CDC42BPB: variants seen among roughly 807,000 people sequenced by gnomAD.
CDC42BPB encodes CDC42 binding protein kinase beta, also known as serine/threonine-protein kinase MRCK beta.
In CDC42BPB, 37 loss-of-function variants were observed where a neutral mutation model predicts 214.9. The ratio of observed to expected loss-of-function variants is 0.17; its 90% CI spans 0.13 to 0.23. The LOEUF is 0.23. Among genes scored for constraint, CDC42BPB ranks in the 10% least tolerant of loss-of-function variants. The pLI is 1.00. For synonymous variants in CDC42BPB, 931 were observed against 884.0 expected (o/e 1.05, Z -0.94); for missense variants, 1,694 against 2,227.0 (o/e 0.76, Z 4.82).
intron 4 of CDC42BPB, among the ~76,000 whole-genome samples, chr14:103,003,294 G>T (rs1226979675): frequency 6.6e-6 from 1 of 152,246 alleles, no homozygotes; most frequent in Non-Finnish European, 1.5e-5. Flanking sequence ...GGGTCACTCA[G>T]CGGCCAAGAC....
At position 103,004,021 on chromosome 14, in the gene CDC42BPB, G is replaced by A. The variant is rs780385009; in HGVS notation, c.354C>T (p.Thr118=). The A allele has an allele frequency of 2.9e-5, 46 of 1,599,382 alleles. No individual in the cohort carries two copies. Among genetic ancestry groups the A allele is most frequent in the Admixed American group, 6.7e-5 (4 of 59,600 alleles). ...NKWEMLKRAE[T]ACFREERDVL... The stretch of plus-strand genomic sequence containing the variant: ...CATCGCGCTCCTCTCGGAAGCACGC[G>A]GTCTGCAAAGCAACGAGGGGTGTCA... Residue 118 remains threonine (T), a splice_region_variant and synonymous_variant, in exon 4 of 37, where the codon ACC becomes ACT. Transcript: ENST00000361246. This position sits in a 1 kb window ranked among gnomAD's most constrained non-coding sequence, Gnocchi z 5.3.
chr14:103,056,423 C>A (rs975829081), intron 1 of CDC42BPB, among the ~76,000 whole-genome samples: 3 of 152,144 alleles, frequency 2.0e-5, no homozygotes, highest in African/African-American at 7.2e-5. Context: ...GAGCTGGGCT[C>A]CCTGGGGATG....
intron 36 of CDC42BPB, among the ~76,000 whole-genome samples, chr14:102,936,540 C>T (rs937232674): frequency 1.1e-4 from 17 of 151,806 alleles, no homozygotes; most frequent in Middle Eastern, 3.2e-3. Flanking sequence ...TCCATTTCCA[C>T]GAAATGTCCA....
At chr14:102,934,118 C>T (rs764461597) in intron 36 of CDC42BPB, 14 of 895,406 alleles carry the variant, frequency 1.6e-5, no homozygotes, top group South Asian at 5.6e-5. Flanking sequence ...CAGATGGGGC[C>T]GGACGCAGTG....
chr14:102,999,853 A>G, intron 4 of CDC42BPB, 140 bp from the exon 5 acceptor site: 1 of 1,470,968 alleles, frequency 6.8e-7, no homozygotes. Flanking sequence ...CTGTCACCCA[A>G]GACCCTCCTT....
chr14:102,957,542 T>C lies in CDC42BPB; in HGVS notation c.2901+2089A>G, dbSNP rs534033804. ...AATGACTTGTGCAGAAACAGGCTTA[T>C]CAAAGATCTGGCGGGCACTTACCGG... On this transcript the variant is annotated intron_variant, in intron 21 of 36. Coordinates refer to ENST00000361246, the MANE Select transcript of CDC42BPB (RefSeq NM_006035.4). Among the ~76,000 whole-genome samples, 5 of 152,348 alleles carry C rather than the reference T, an allele frequency of 3.3e-5. No homozygotes were observed. In the South Asian group the frequency reaches 8.3e-4, roughly 25 times the overall value.
intron 5 of CDC42BPB, among the ~76,000 whole-genome samples, chr14:102,997,313 G>A (rs1327320367): frequency 6.6e-6 from 1 of 152,102 alleles, no homozygotes; most frequent in Non-Finnish European, 1.5e-5. Context: ...ACTGGATAAA[G>A]CACCAGTCAC....
intron 1 of CDC42BPB, among the ~76,000 whole-genome samples, chr14:103,028,475 C>T (rs151311530): frequency 1.4e-3 from 211 of 152,326 alleles, no homozygotes; most frequent in Middle Eastern, 3.4e-3. Flanking sequence ...GGCTCTGAGA[C>T]AGCCCCAGCA....
intron 13 of CDC42BPB, among the ~76,000 whole-genome samples, chr14:102,971,559 T>C (rs1023498471): frequency 6.6e-6 from 1 of 152,220 alleles, no homozygotes; most frequent in Non-Finnish European, 1.5e-5. Flanking sequence ...CCCACAGTGT[T>C]GGGATTCCAG....
At chr14:102,984,205 T>C (rs1894133058) in intron 6 of CDC42BPB, among the ~76,000 whole-genome samples, 1 of 152,090 alleles carries the variant, frequency 6.6e-6, no homozygotes, top group African/African-American at 2.4e-5. Flanking sequence ...TCCCCCAGGG[T>C]TGGCATTTCC....
At chr14:102,964,368 G>A (rs964193101) in intron 19 of CDC42BPB, 134 bp downstream of exon 19, 4 of 1,037,222 alleles carry the variant, frequency 3.9e-6, no homozygotes, top group Non-Finnish European at 5.5e-6. Flanking sequence ...CCGACGTGCT[G>A]CCTCCTAAGG....
intron 7 of CDC42BPB, chr14:102,981,231 G>C (rs1893982762): frequency 1.0e-6 from 1 of 958,580 alleles, no homozygotes; most frequent in Non-Finnish European, 1.2e-6. Flanking sequence ...TTGTAGACTT[G>C]TGACCACACT....
intron 1 of CDC42BPB, among the ~76,000 whole-genome samples, chr14:103,040,258 G>A (rs1049277410): frequency 6.6e-6 from 1 of 151,954 alleles, no homozygotes. Context: ...GGGAGGCTGA[G>A]GCAGGAGAAT....
chr14:102,969,435 G>GAGGAGACTCAAGGGCTGAGAAAGGGGC (rs1159600062), intron 14 of CDC42BPB, among the ~76,000 whole-genome samples: 28 of 152,346 alleles, frequency 1.8e-4, no homozygotes, highest in Admixed American at 1.7e-3. Context: ...GCTGTGCAGA[G>GAGGAGACTCAAGGGCTGAGAAAGGGGC]AGGAGACTCA....
chr14:102,996,488 A>C (rs1894742494), intron 5 of CDC42BPB, among the ~76,000 whole-genome samples: 1 of 152,222 alleles, frequency 6.6e-6, no homozygotes, highest in Non-Finnish European at 1.5e-5. Flanking sequence ...TCTACCAAGA[A>C]GACAGTATAA....
rs1386872299 is a variant in CDC42BPB, at chr14:103,057,429, G to C, written c.-256C>G. 3.2e-6 allele frequency: 2 copies of C among 625,494 alleles called. No individual in the cohort carries two copies. Among genetic ancestry groups the C allele is most frequent in the Non-Finnish European group, 4.0e-6 (2 of 502,776 alleles). The allele number at this position is 625,494 out of a possible 1,614,324, so 38.7% of individuals were successfully genotyped here. ...CTCGGCGCCGCCGCCCTCCCAGCTC[G>C]GGCGGCCCGCCCCCGCCGCCCTCAG... On this transcript the variant is annotated 5_prime_UTR_variant, in exon 1 of 37. Coordinates refer to ENST00000361246, the MANE Select transcript of CDC42BPB (RefSeq NM_006035.4).
intron 4 of CDC42BPB, 141 bp from the exon 5 acceptor site, chr14:102,999,854 G>C (rs1894899629): frequency 6.8e-7 from 1 of 1,469,778 alleles, no homozygotes; most frequent in South Asian, 1.4e-5. Flanking sequence ...TGTCACCCAA[G>C]ACCCTCCTTC....
chr14:103,001,216 C>T lies in CDC42BPB; in HGVS notation c.448-1503G>A, dbSNP rs929051440. 1.3e-5 allele frequency among the ~76,000 whole-genome samples: 2 copies of T among 152,188 alleles called. No homozygotes were observed. The highest frequency in any genetic ancestry group is 2.9e-5 in the Non-Finnish European group (2 of 68,034). ...TCAGGCACTGCCCGTCCTTCCCCGC[C>T]GAGTTTTTCAATTTGTTCATTCGCT... On this transcript the variant is annotated intron_variant, in intron 4 of 36. Transcript: ENST00000361246. The surrounding 1 kb of genome is among the most constrained non-coding windows in gnomAD (Gnocchi z 5.8).
intron 5 of CDC42BPB, among the ~76,000 whole-genome samples, chr14:102,989,175 G>A (rs1894384335): frequency 6.6e-6 from 1 of 152,094 alleles, no homozygotes; most frequent in Non-Finnish European, 1.5e-5. Flanking sequence ...AACATCACGA[G>A]AAAGGTGAAA....
Sources: allele counts gnomAD v4.1 joint callset (sites outside exome capture counted in the v4.1 genomes callset), GRCh38; gene constraint gnomAD v4.1.1; non-coding constraint Gnocchi (gnomAD v3.1); transcripts MANE v1.5; gene names NCBI Gene and HGNC (gene_info 2026-07-23, HGNC 2026-07-21).